HSD17B6: variants seen among roughly 807,000 people sequenced by gnomAD.
HSD17B6 encodes the protein hydroxysteroid 17-beta dehydrogenase 6.
HSD17B6 carries 16 observed loss-of-function variants against 26.4 expected under a neutral mutation model. That is an observed-to-expected ratio of 0.61 (90% confidence interval 0.41 to 0.92). The LOEUF (loss-of-function observed/expected upper bound fraction) is 0.92. Among genes scored for constraint, HSD17B6 ranks in the 40% least tolerant of loss-of-function variants. The pLI, the probability that HSD17B6 is intolerant of heterozygous loss-of-function variation, is 0.00. For synonymous variants in HSD17B6, 139 were observed against 153.0 expected (o/e 0.91, Z 0.68); for missense variants, 357 against 386.1 (o/e 0.92, Z 0.63).
chr12:56,774,005 A>C lies in HSD17B6; in HGVS notation c.153A>C (p.Ala51=), dbSNP rs1954535968. Residue 51 remains alanine, a synonymous_variant, in exon 2 of 5, where the codon GCA becomes GCC. Coordinates refer to ENST00000322165, the MANE Select transcript of HSD17B6 (RefSeq NM_003725.4). The part of the protein sequence containing the change: ...FGNLLARQLD[A]RGLRVLAACL... ...ACCTGCTGGCCAGACAGCTGGATGCACGAGGCTTGAGAGTGCTGGCTGCGT... is the reference window on the plus strand; with the variant it reads ...ACCTGCTGGCCAGACAGCTGGATGCCCGAGGCTTGAGAGTGCTGGCTGCGT... 1.2e-6 allele frequency: 2 copies of C among 1,613,980 alleles called. No individual in the cohort carries two copies. Among genetic ancestry groups the C allele is most frequent in the Admixed American group, 1.7e-5 (1 of 59,984 alleles).
chr12:56,764,432 T>C (rs564789295), intron 1 of HSD17B6, among the ~76,000 whole-genome samples: 13 of 152,310 alleles, frequency 8.5e-5, no homozygotes, highest in African/African-American at 2.2e-4. Flanking sequence ...AAAGAGCTGA[T>C]AGAAATGATT....
At chr12:56,778,264 C>T (rs1954634539) in intron 2 of HSD17B6, among the ~76,000 whole-genome samples, 1 of 152,114 alleles carries the variant, frequency 6.6e-6, no homozygotes, top group Non-Finnish European at 1.5e-5. Context: ...CTTTGTTTTC[C>T]TCTCACCTCT....
chr12:56,766,196 C>G (rs940001399), intron 1 of HSD17B6, among the ~76,000 whole-genome samples: 1 of 152,084 alleles, frequency 6.6e-6, no homozygotes, highest in African/African-American at 2.4e-5. Context: ...ATGACCCCAC[C>G]CCATCTCCCT....
chr12:56,771,632 TA>T (rs1360087805), intron 1 of HSD17B6, among the ~76,000 whole-genome samples: 5 of 152,072 alleles, frequency 3.3e-5, no homozygotes, highest in Non-Finnish European at 4.4e-5. Context: ...CTAATTTTTG[TA>T]TTTTTGTAGA....
chr12:56,784,802 G>A (rs1954838790), intron 3 of HSD17B6, 51 bp from the exon 4 acceptor site: 1 of 1,559,112 alleles, frequency 6.4e-7, no homozygotes, highest in South Asian at 1.2e-5. Flanking sequence ...CTTCCTGAAA[G>A]CATTGAAATG....
intron 2 of HSD17B6, 140 bp downstream of exon 2, chr12:56,774,305 A>G (rs1241272451): frequency 1.4e-6 from 1 of 706,934 alleles, no homozygotes; most frequent in East Asian, 2.8e-5. Flanking sequence ...AATCCCTTAT[A>G]TAAAATAGTG....
chr12:56,765,661 C>T (rs1954311158), intron 1 of HSD17B6, among the ~76,000 whole-genome samples: 1 of 151,084 alleles, frequency 6.6e-6, no homozygotes. Flanking sequence ...ACAGGCACTC[C>T]CCACCATGCC....
chr12:56,781,840 C>T (rs989450628), intron 2 of HSD17B6, 134 bp from the exon 3 acceptor site: 1 of 892,990 alleles, frequency 1.1e-6, no homozygotes. Context: ...TATGTTATAT[C>T]ATTTGGGCTG....
chr12:56,773,507 T>C (rs1292627168), intron 1 of HSD17B6, among the ~76,000 whole-genome samples: 1 of 152,234 alleles, frequency 6.6e-6, no homozygotes, highest in Non-Finnish European at 1.5e-5. Flanking sequence ...GCCTGGAATG[T>C]TGTCATCCTT....
At chr12:56,782,322 C>G in intron 3 of HSD17B6, 90 bp downstream of exon 3, 2 of 1,180,334 alleles carry the variant, frequency 1.7e-6, no homozygotes, top group Non-Finnish European at 2.4e-6. Flanking sequence ...TATTTCATCA[C>G]TCCTCAAATC....
chr12:56,767,359 A>C (rs1469242430), intron 1 of HSD17B6, among the ~76,000 whole-genome samples: 3 of 151,280 alleles, frequency 2.0e-5, no homozygotes, highest in African/African-American at 7.3e-5. Flanking sequence ...AAAAAATAAA[A>C]AAAAAAAATT....
intron 2 of HSD17B6, among the ~76,000 whole-genome samples, chr12:56,776,806 T>C (rs536350197): frequency 6.6e-6 from 1 of 152,276 alleles, no homozygotes; most frequent in East Asian, 1.9e-4. Context: ...TATGAGCTAC[T>C]GCGTCAAGCC....
chr12:56,774,779 G>A (rs1471092116), intron 2 of HSD17B6, among the ~76,000 whole-genome samples: 4 of 152,236 alleles, frequency 2.6e-5, no homozygotes, highest in Admixed American at 2.6e-4. Flanking sequence ...GCTCCTGTGA[G>A]AATCTACTGC....
chr12:56,767,624 CAT>C (rs901564169), intron 1 of HSD17B6, among the ~76,000 whole-genome samples: 11 of 72,066 alleles, frequency 1.5e-4, no homozygotes, highest in Middle Eastern at 7.9e-3. Context: ...TAATATATAA[CAT>C]ATATATTATA....
At chr12:56,767,141 C>T (rs148936071) in intron 1 of HSD17B6, among the ~76,000 whole-genome samples, 252 of 152,222 alleles carry the variant, frequency 1.7e-3, no homozygotes, top group African/African-American at 5.8e-3. Context: ...ACTATTCACT[C>T]TGTTTCACCT....
intron 1 of HSD17B6, among the ~76,000 whole-genome samples, chr12:56,766,673 C>A (rs1196464361): frequency 1.3e-5 from 2 of 152,154 alleles, no homozygotes; most frequent in East Asian, 3.9e-4. Flanking sequence ...GGGAAATTAA[C>A]CAGACAGCCC....
chr12:56,782,951 G>C (rs1334518088), intron 3 of HSD17B6, among the ~76,000 whole-genome samples: 1 of 152,132 alleles, frequency 6.6e-6, no homozygotes, highest in Non-Finnish European at 1.5e-5. Flanking sequence ...AGAGCACAGG[G>C]TTGGGGTTAA....
chr12:56,765,102 G>A (rs1017281963), intron 1 of HSD17B6, among the ~76,000 whole-genome samples: 5 of 152,042 alleles, frequency 3.3e-5, no homozygotes, highest in Non-Finnish European at 7.4e-5. Context: ...GGGATTAAAA[G>A]CATGAGCCAC....
chr12:56,766,974 T>C (rs185761560), intron 1 of HSD17B6, among the ~76,000 whole-genome samples: 1 of 152,262 alleles, frequency 6.6e-6, no homozygotes, highest in African/African-American at 2.4e-5. Context: ...ACGTAGGCCA[T>C]GGCCTGACCA....
Sources: gnomAD v4.1 joint callset for allele counts (sites outside exome capture counted in the v4.1 genomes callset) on GRCh38, gnomAD v4.1.1 for gene constraint, MANE v1.5 for transcripts, NCBI Gene and HGNC (gene_info 2026-07-23, HGNC 2026-07-21) for gene names.